The following SETD2 variants were observed in gnomAD, a reference collection of about 807,000 sequenced individuals.
The protein encoded by SETD2 is SET domain containing 2, histone lysine methyltransferase, also known as histone-lysine N-methyltransferase SETD2.
A neutral mutation model predicts 242.1 loss-of-function variants in SETD2; 31 were observed. That is an observed-to-expected ratio of 0.13 (90% CI 0.10 to 0.17). The LOEUF is 0.17. SETD2 is among the 10% of genes least tolerant of loss of function. The probability of loss-of-function intolerance (pLI) is 1.00; values close to 1 mark genes in which losing one functional copy is unlikely to be tolerated. For synonymous variants in SETD2, 1,006 were observed against 1,066.5 expected (o/e 0.94, Z 1.11); for missense variants, 2,481 against 3,046.3 (o/e 0.81, Z 4.37).
intron 18 of SETD2, among the ~76,000 whole-genome samples, chr3:47,021,206 G>A (rs1023102379): frequency 2.0e-5 from 3 of 152,120 alleles, no homozygotes; most frequent in African/African-American, 4.8e-5. Flanking sequence ...AGAATTATTT[G>A]AGTAAGTCAA....
chr3:47,024,047 A>C (rs2038358914), intron 18 of SETD2, among the ~76,000 whole-genome samples: 1 of 152,204 alleles, frequency 6.6e-6, no homozygotes, highest in South Asian at 2.1e-4. Flanking sequence ...TTCTTAAACA[A>C]ATTTTATATA....
Position 47,123,452 on chromosome 3 carries a change from C to T in SETD2, c.1184G>A (p.Arg395Lys), listed in dbSNP as rs937652837. ...GCTCCGCCGTCGCTCTCTTTCTGAT[C>T]TACATCGGGAAGATACATACCGAGT... is the stretch of plus-strand genomic sequence containing the variant. ...RDTRYVSSRC[R>K]SERERRRSRS... Residue 395 changes from arginine to lysine, a missense_variant, in exon 3 of 21, where the codon AGA becomes AAA. Transcript: ENST00000409792. 2.6e-6 allele frequency: 4 copies of T among 1,551,356 alleles called. No individual in the cohort carries two copies. Among genetic ancestry groups the T allele is most frequent in the African/African-American group, 1.4e-5 (1 of 73,028 alleles).
chr3:47,040,888 A>T (rs939948407), intron 17 of SETD2, among the ~76,000 whole-genome samples: 1 of 152,144 alleles, frequency 6.6e-6, no homozygotes, highest in Non-Finnish European at 1.5e-5. Flanking sequence ...GAACTTATAC[A>T]TACTTCTTTT....
chr3:47,147,497 AT>A (rs978187481), intron 1 of SETD2, among the ~76,000 whole-genome samples: 1 of 150,702 alleles, frequency 6.6e-6, no homozygotes, highest in African/African-American at 2.4e-5. Context: ...TAATTGTTGT[AT>A]TTTTAGTAGA....
intron 9 of SETD2, among the ~76,000 whole-genome samples, chr3:47,093,237 T>A (rs1364600352): frequency 6.6e-6 from 1 of 151,966 alleles, no homozygotes; most frequent in African/African-American, 2.4e-5. Context: ...TGTTACTGTA[T>A]GCAGCCAGTT....
chr3:47,029,352 G>A (rs1319550973), intron 18 of SETD2, among the ~76,000 whole-genome samples: 2 of 151,720 alleles, frequency 1.3e-5, no homozygotes, highest in Non-Finnish European at 2.9e-5. Context: ...GAGCCACTGC[G>A]TCAAGCCACC....
chr3:47,036,423 C>T (rs191246763), intron 18 of SETD2, among the ~76,000 whole-genome samples: 23 of 151,984 alleles, frequency 1.5e-4, no homozygotes, highest in South Asian at 6.2e-4. Flanking sequence ...GGCATGGTGG[C>T]GCACACCTAT....
chr3:47,088,349 ACAAATGAAGAC>A (rs2041655734), intron 9 of SETD2, 102 bp from the exon 10 acceptor site: 1 of 1,124,222 alleles, frequency 8.9e-7, no homozygotes. Flanking sequence ...TCAGGAAAAC[ACAAATGAAGAC>A]CAAACTGGGA....
intron 1 of SETD2, among the ~76,000 whole-genome samples, chr3:47,142,466 G>A (rs4683317): frequency 1.3e-5 from 2 of 151,992 alleles, no homozygotes; most frequent in African/African-American, 4.8e-5. Flanking sequence ...ATGACATGGT[G>A]CCACTGCACT....
At chr3:47,056,783 A>AC (rs1383212522) in intron 15 of SETD2, 38 bp downstream of exon 15, 6 of 1,544,316 alleles carry the variant, frequency 3.9e-6, no homozygotes, top group Non-Finnish European at 5.3e-6. Flanking sequence ...CCATGAACAG[A>AC]CCATAAAGCA....
intron 1 of SETD2, among the ~76,000 whole-genome samples, chr3:47,142,530 T>C (rs1300709056): frequency 6.6e-6 from 1 of 151,808 alleles, no homozygotes. Context: ...TTAATTAAAA[T>C]AAAAGGTCAT....
intron 13 of SETD2, among the ~76,000 whole-genome samples, chr3:47,063,910 G>A (rs541595053): frequency 6.6e-6 from 1 of 152,022 alleles, no homozygotes; most frequent in South Asian, 2.1e-4. Flanking sequence ...TTGAACCCGG[G>A]AGGCAGAAGT....
intron 18 of SETD2, among the ~76,000 whole-genome samples, chr3:47,035,176 T>C (rs965955903): frequency 7.2e-5 from 11 of 152,206 alleles, no homozygotes; most frequent in Non-Finnish European, 1.6e-4. Context: ...CTTGGGACCT[T>C]GTATCACTTC....
chr3:47,028,050 C>T (rs929546735), intron 18 of SETD2, among the ~76,000 whole-genome samples: 1 of 151,964 alleles, frequency 6.6e-6, no homozygotes, highest in Non-Finnish European at 1.5e-5. Context: ...AAAGCTTGTC[C>T]AGACTTGTGC....
chr3:47,115,043 A>C (rs1016908924), intron 4 of SETD2, among the ~76,000 whole-genome samples: 13 of 152,168 alleles, frequency 8.5e-5, no homozygotes, highest in African/African-American at 3.1e-4. Flanking sequence ...GAGGGAAGAG[A>C]ATTTAAGGCA....
At chr3:47,130,125 T>C (rs1444066271) in intron 1 of SETD2, among the ~76,000 whole-genome samples, 1 of 152,140 alleles carries the variant, frequency 6.6e-6, no homozygotes, top group Non-Finnish European at 1.5e-5. Context: ...AGGTAACAGC[T>C]AGTGAATTAA....
At chr3:47,148,289 C>G (rs1361461342) in intron 1 of SETD2, among the ~76,000 whole-genome samples, 1 of 152,008 alleles carries the variant, frequency 6.6e-6, no homozygotes, top group Admixed American at 6.6e-5. Context: ...CACTGCCACG[C>G]CGGGCTAATT....
intron 5 of SETD2, among the ~76,000 whole-genome samples, chr3:47,107,339 C>T (rs936870912): frequency 2.0e-5 from 3 of 151,610 alleles, no homozygotes; most frequent in Non-Finnish European, 4.4e-5. Context: ...GTTAACTTCG[C>T]CAACTGAAAA....
At position 47,163,836 on chromosome 3, in the gene SETD2, C is replaced by T. The variant is rs768164804; in HGVS notation, c.71+18G>A. ...AAGGCGGCCGACAGCAGCGGGGGGCCGCGGAGCTGATACTTACTCAGGGGT... is the reference window on the plus strand; with the variant it reads ...AAGGCGGCCGACAGCAGCGGGGGGCTGCGGAGCTGATACTTACTCAGGGGT... On this transcript the variant is annotated intron_variant, in intron 1 of 20. Coordinates refer to ENST00000409792, the MANE Select transcript of SETD2 (RefSeq NM_014159.7). 7.8e-7 allele frequency: 1 copy of T among 1,275,316 alleles called. No homozygotes were observed. The highest frequency in any genetic ancestry group is 1.0e-6 in the Non-Finnish European group (1 of 1,002,890). 79.0% of individuals were successfully genotyped at this position (1,275,316 alleles called of 1,614,324 possible). A position where few individuals can be genotyped will look rare whatever the true frequency, so the allele number is the denominator to read the frequency against.
Sources: gnomAD v4.1 joint callset for allele counts (sites outside exome capture counted in the v4.1 genomes callset) on GRCh38, gnomAD v4.1.1 for gene constraint, MANE v1.5 for transcripts, NCBI Gene and HGNC (gene_info 2026-07-23, HGNC 2026-07-21) for gene names.